ABCC9: variants seen among roughly 807,000 people sequenced by gnomAD.
The protein encoded by ABCC9 is ATP binding cassette subfamily C member 9, also known as ATP-binding cassette sub-family C member 9.
A neutral mutation model predicts 188.3 loss-of-function variants in ABCC9; 95 were observed. The ratio of observed to expected loss-of-function variants is 0.50; its 90% CI spans 0.43 to 0.60. The LOEUF is 0.60. Among genes scored for constraint, ABCC9 ranks in the 20% least tolerant of loss-of-function variants. The pLI, the probability that ABCC9 is intolerant of heterozygous loss-of-function variation, is 0.00. For synonymous variants in ABCC9, 659 were observed against 652.7 expected, an observed-to-expected ratio of 1.01 and a Z score of -0.15; for missense variants, 1,102 against 1,876.3, an observed-to-expected ratio of 0.59 and a Z score of 7.62.
chr12:21,889,131 C>CT (rs553966131), intron 14 of ABCC9, among the ~76,000 whole-genome samples: 10 of 152,272 alleles, frequency 6.6e-5, no homozygotes, highest in Admixed American at 5.9e-4. Flanking sequence ...TGCCCATGAT[C>CT]TTTAAGTGTT....
At position 21,798,990 on chromosome 12, in the gene ABCC9, C is replaced by T. The variant is rs1259400954; in HGVS notation, c.*2054G>A. 4.1e-5 allele frequency: 6 copies of T among 147,392 alleles called. No individual in the cohort carries two copies. Among genetic ancestry groups the T allele is most frequent in the East Asian group, 2.0e-4 (1 of 5,070 alleles). The allele number at this position is 147,392 out of a possible 1,614,324, so 9.1% of individuals were successfully genotyped here. A position where few individuals can be genotyped will look rare whatever the true frequency, so the allele number is the denominator to read the frequency against. On this transcript the variant is annotated 3_prime_UTR_variant, in exon 40 of 40. Transcript: ENST00000261200. Reference sequence around the variant, plus strand: ...GAAACCATCATTCTCAGTAAACTATCGCAAGAACAAAAAACCAAACACCGC... The same window carrying T: ...GAAACCATCATTCTCAGTAAACTATTGCAAGAACAAAAAACCAAACACCGC...
At chr12:21,868,458 T>C (rs1945894614) in intron 18 of ABCC9, among the ~76,000 whole-genome samples, 1 of 152,040 alleles carries the variant, frequency 6.6e-6, no homozygotes, top group Non-Finnish European at 1.5e-5. Flanking sequence ...GCAAACACGG[T>C]GAAGCCCTGT....
chr12:21,908,061 A>G lies in ABCC9; in HGVS notation c.1455+16T>C. ...TTCTCATTTTTGTAATTAAGTTTCCAAAAGATGTTACTTACAAGTGTACTT... is the reference window on the plus strand; with the variant it reads ...TTCTCATTTTTGTAATTAAGTTTCCGAAAGATGTTACTTACAAGTGTACTT... On this transcript the variant is annotated intron_variant, in intron 11 of 39. Transcript: ENST00000261200. The G allele has an allele frequency of 2.5e-6, 4 of 1,611,454 alleles. No homozygotes were observed. The highest frequency in any genetic ancestry group is 3.4e-6 in the Non-Finnish European group (4 of 1,178,230).
intron 10 of ABCC9, 65 bp downstream of exon 10, chr12:21,910,092 C>T (rs1948246186): frequency 6.9e-7 from 1 of 1,447,686 alleles, no homozygotes; most frequent in African/African-American, 1.4e-5. Flanking sequence ...GAGCTAAATA[C>T]ATTACTGCTT....
intron 3 of ABCC9, among the ~76,000 whole-genome samples, chr12:21,934,196 T>C (rs1949396576): frequency 6.6e-6 from 1 of 152,122 alleles, no homozygotes; most frequent in Non-Finnish European, 1.5e-5. Flanking sequence ...TTCTACCTCA[T>C]GCTAATCAGA....
At position 21,811,941 on chromosome 12, in the gene ABCC9, C is replaced by T. The variant is rs535578741; in HGVS notation, c.4211+108G>A. 6 of 781,650 alleles carry T rather than the reference C, an allele frequency of 7.7e-6. No homozygotes were observed. The East Asian group carries it at 1.3e-4, about 16-fold the overall frequency. The allele number at this position is 781,650 out of a possible 1,614,324, so 48.4% of individuals were successfully genotyped here. On this transcript the variant is annotated intron_variant, in intron 36 of 39. Coordinates refer to ENST00000261200, the MANE Select transcript of ABCC9 (RefSeq NM_020297.4). ...TTGGATGGTATATTTGATTTTATTG[C>T]CTTGATATCAGTTCACTCATACCTG...
In ABCC9 at chr12:21,910,331, AG is replaced by A. The variant is rs768812471; in HGVS notation, c.1165-20del. On this transcript the variant is annotated intron_variant, in intron 9 of 39. Coordinates refer to ENST00000261200, the MANE Select transcript of ABCC9 (RefSeq NM_020297.4). ...TCATGGCCTACCAAAAAAAAAAAAA[AG>A]AGTACATAAAGCTCTAAACTTAAAA... 81 of 1,519,892 alleles carry A rather than the reference AG, an allele frequency of 5.3e-5. No individual in the cohort carries two copies. In the African/African-American group the frequency reaches 9.2e-4, roughly 17 times the overall value. 94.2% of individuals were successfully genotyped at this position (1,519,892 alleles called of 1,614,324 possible).
At chr12:21,900,055 C>A (rs767897601) in intron 12 of ABCC9, among the ~76,000 whole-genome samples, 1 of 152,182 alleles carries the variant, frequency 6.6e-6, no homozygotes, top group Non-Finnish European at 1.5e-5. Context: ...CTGGGAGGCA[C>A]CCCCAGTAGG....
At chr12:21,903,027 G>C (rs915497094) in intron 12 of ABCC9, among the ~76,000 whole-genome samples, 4 of 152,120 alleles carry the variant, frequency 2.6e-5, no homozygotes, top group African/African-American at 9.7e-5. Flanking sequence ...GATGAACACA[G>C]ATGCAAAAAT....
intron 20 of ABCC9, among the ~76,000 whole-genome samples, chr12:21,861,652 A>G (rs1429979495): frequency 6.6e-6 from 1 of 152,176 alleles, no homozygotes; most frequent in Non-Finnish European, 1.5e-5. Context: ...TAGAACACAA[A>G]TGAAGAAATG....
Position 21,848,160 on chromosome 12 carries a change from G to T in ABCC9, c.2856C>A (p.Asp952Glu). The change falls in exon 25 of 40, where the codon GAC (aspartate) becomes GAA (glutamate). Residue 952 changes from aspartate to glutamate, a missense_variant. By Grantham distance (45) the Asp-to-Glu change is conservative. This residue lies in a region of ABCC9 where 131 missense variants were observed against 170.2 expected (regional missense o/e 0.77). Transcript: ENST00000261200. ...YSREAKAQME[D>E]EDEEEEEEED... The stretch of plus-strand genomic sequence containing the variant: ...AGAAAAAAGATCTACCTTCGTCTTC[G>T]TCCTCCATCTGGGCTTTGGCTTCTC... The T allele has an allele frequency of 6.2e-7, 1 of 1,613,288 alleles. No individual in the cohort carries two copies. The highest frequency in any genetic ancestry group is 8.5e-7 in the Non-Finnish European group (1 of 1,179,448).
intron 31 of ABCC9, among the ~76,000 whole-genome samples, chr12:21,823,462 C>T (rs1318312159): frequency 6.6e-6 from 1 of 152,220 alleles, no homozygotes; most frequent in Non-Finnish European, 1.5e-5. Context: ...TACGAGATCA[C>T]TGCATCCCTG....
At chr12:21,830,051 C>T (rs189259451) in intron 30 of ABCC9, among the ~76,000 whole-genome samples, 6 of 152,228 alleles carry the variant, frequency 3.9e-5, no homozygotes, top group Admixed American at 2.6e-4. Context: ...TGTGTACTTT[C>T]AGGGTTCTAT....
At chr12:21,925,889 G>A (rs1949025086) in intron 5 of ABCC9, 53 bp downstream of exon 5, 1 of 1,569,202 alleles carries the variant, frequency 6.4e-7, no homozygotes, top group Admixed American at 1.7e-5. Context: ...AACCCTTTGG[G>A]GGGAAAAACA....
chr12:21,940,385 A>T (rs1200229643), intron 2 of ABCC9, among the ~76,000 whole-genome samples: 4 of 152,242 alleles, frequency 2.6e-5, no homozygotes, highest in African/African-American at 9.6e-5. Context: ...GATGGATGTC[A>T]CTTGCAAAAA....
intron 12 of ABCC9, among the ~76,000 whole-genome samples, chr12:21,898,525 G>T (rs1489246945): frequency 1.3e-5 from 2 of 152,160 alleles, no homozygotes; most frequent in African/African-American, 4.8e-5. Flanking sequence ...GAATAAAGGG[G>T]CTATATAGGC....
At chr12:21,834,783 T>TA (rs1943976509) in intron 30 of ABCC9, among the ~76,000 whole-genome samples, 2 of 64,974 alleles carry the variant, frequency 3.1e-5, no homozygotes, top group South Asian at 6.0e-4. Context: ...ATATATAACA[T>TA]TATACACACA....
At chr12:21,829,241 G>A (rs559764710) in intron 30 of ABCC9, among the ~76,000 whole-genome samples, 181 bp from the exon 31 acceptor site, 144 of 107,574 alleles carry the variant, frequency 1.3e-3, no homozygotes, top group African/African-American at 4.8e-3. Flanking sequence ...TCGCTCTGTT[G>A]CCCAGGCTGG....
intron 22 of ABCC9, among the ~76,000 whole-genome samples, chr12:21,853,889 A>C (rs983291093): frequency 5.9e-5 from 9 of 152,212 alleles, no homozygotes; most frequent in African/African-American, 1.7e-4. Flanking sequence ...TGGATGTTTC[A>C]GGTAAAAACT....
Sources: gnomAD v4.1 joint callset for allele counts (sites outside exome capture counted in the v4.1 genomes callset) on GRCh38, gnomAD v4.1.1 for gene constraint, gnomAD v4.1.1 regional missense constraint, MANE v1.5 for transcripts, NCBI Gene and HGNC (gene_info 2026-07-23, HGNC 2026-07-21) for gene names.